Variants in PPP4R1 observed in about 807,000 individuals in gnomAD.
PPP4R1 encodes serine/threonine-protein phosphatase 4 regulatory subunit 1.
PPP4R1 carries 42 observed loss-of-function variants against 111.2 expected under a neutral mutation model. That is an observed-to-expected ratio of 0.38 (90% CI 0.29 to 0.49). PPP4R1 has a LOEUF of 0.49. Among genes scored for constraint, PPP4R1 ranks in the 20% least tolerant of loss-of-function variants. The pLI, the probability that PPP4R1 is intolerant of heterozygous loss-of-function variation, is 0.97. For synonymous variants in PPP4R1, 409 were observed against 405.5 expected (o/e 1.01, Z -0.10); for missense variants, 1,012 against 1,161.6 (o/e 0.87, Z 1.87).
chr18:9,548,510 G>A (rs1451924950), intron 19 of PPP4R1, among the ~76,000 whole-genome samples: 1 of 152,156 alleles, frequency 6.6e-6, no homozygotes, highest in East Asian at 1.9e-4. Flanking sequence ...GCCTAATGAA[G>A]AGAAAGCAGA....
chr18:9,561,575 G>A (rs964064509), intron 13 of PPP4R1, among the ~76,000 whole-genome samples: 9 of 152,034 alleles, frequency 5.9e-5, no homozygotes, highest in South Asian at 2.1e-4. Flanking sequence ...TAAAATTTTC[G>A]TATTTTTTCA....
chr18:9,616,593 A>C (rs943512564), upstream of PPP4R1, among the ~76,000 whole-genome samples: 5 of 152,170 alleles, frequency 3.3e-5, no homozygotes, highest in African/African-American at 1.2e-4. Flanking sequence ...TCTTTATTCT[A>C]ACTGGTGGTC....
At chr18:9,568,035 T>G (rs2066797861) in intron 11 of PPP4R1, among the ~76,000 whole-genome samples, 1 of 152,148 alleles carries the variant, frequency 6.6e-6, no homozygotes. Flanking sequence ...AACACAACTT[T>G]TATAAAATTC....
Position 9,614,130 on chromosome 18 carries a change from T to C in PPP4R1, c.52+96A>G. ...GGGGCCGCCCTCGCCCACCGTCCCC[T>C]CAGCCAGCCAGGGCCCGGCCCAGGC... On this transcript the variant is annotated intron_variant, in intron 2 of 19. Transcript: ENST00000400556. This position sits in a 1 kb window ranked among gnomAD's most constrained non-coding sequence, Gnocchi z 4.1. 9.3e-7 allele frequency: 1 copy of C among 1,080,492 alleles called. No homozygotes were observed. Among genetic ancestry groups the C allele is most frequent in the Non-Finnish European group, 1.2e-6 (1 of 857,372 alleles). The allele number at this position is 1,080,492 out of a possible 1,614,324, so 66.9% of individuals were successfully genotyped here.
intron 4 of PPP4R1, among the ~76,000 whole-genome samples, chr18:9,590,341 T>C (rs1464856875): frequency 3.9e-5 from 6 of 152,228 alleles, no homozygotes; most frequent in South Asian, 2.1e-4. Flanking sequence ...CCATGTGAAG[T>C]TGGCCAGATA....
chr18:9,583,067 AAAACGGACAC>A (rs762502663), intron 9 of PPP4R1, 40 bp downstream of exon 9: 1 of 1,462,994 alleles, frequency 6.8e-7, no homozygotes, highest in East Asian at 2.4e-5. Context: ...TGTTTGCTTT[AAAACGGACAC>A]AAATGTATTA....
rs958581998 is a variant in PPP4R1 at position 9,600,791 on chromosome 18, G to C, written c.53-5638C>G. On this transcript the variant is annotated intron_variant, in intron 2 of 19. Coordinates refer to ENST00000400556, the MANE Select transcript of PPP4R1 (RefSeq NM_001042388.3). ...TGCTACTTGGGAGCCTGAGGTGGGG[G>C]GATCACTTGAGTACGGGAGGCAGAC... 5.3e-5 allele frequency among the ~76,000 whole-genome samples: 8 copies of C among 152,180 alleles called. No individual in the cohort carries two copies. The East Asian group carries it at 1.5e-3, about 29-fold the overall frequency.
At chr18:9,564,697 GGTGTGTGTGTGTGT>G (rs1178823297) in intron 11 of PPP4R1, among the ~76,000 whole-genome samples, 2 of 93,492 alleles carry the variant, frequency 2.1e-5, no homozygotes, top group Admixed American at 1.1e-4. Context: ...TAAAGTGCAT[GGTGTGTGTGTGTGT>G]GTGTGTGTGT....
chr18:9,570,518 G>A lies in PPP4R1; in HGVS notation c.1212C>T (p.Ser404=), dbSNP rs777382879. 4.3e-6 allele frequency: 7 copies of A among 1,614,166 alleles called. No individual in the cohort carries two copies. The Admixed American group carries it at 5.0e-5, about 12-fold the overall frequency. ...CTGAGGACAAAGTACAAAGTAAAGA[G>A]CTGTCCAGTGGAACACTAATTTCAC... is the stretch of plus-strand genomic sequence containing the variant. The part of the protein sequence containing the change: ...PLGEISVPLD[S]SLLCTLSSES... The change falls in exon 11 of 20, where the codon AGC becomes AGT. Residue 404 remains serine, a synonymous_variant. Transcript: ENST00000400556.
intron 13 of PPP4R1, among the ~76,000 whole-genome samples, chr18:9,561,292 C>T (rs2066673097): frequency 6.6e-6 from 1 of 151,188 alleles, no homozygotes; most frequent in South Asian, 2.1e-4. Flanking sequence ...CACGTACAGA[C>T]AGTCATGGTG....
Position 9,547,902 on chromosome 18 carries a change from T to C in PPP4R1, c.2740A>G (p.Ile914Val). ...SCHQEAVEQT[I>V]MALQMDRDSD... ...TCACGGTCCATCTGAAGAGCCATGA[T>C]GGTCTGCTCCACAGCCTCCTGGTGG... Residue 914 changes from isoleucine to valine, a missense_variant, in exon 20 of 20, where the codon ATC (isoleucine) becomes GTC (valine). Coordinates refer to ENST00000400556, the MANE Select transcript of PPP4R1 (RefSeq NM_001042388.3). 1.2e-6 allele frequency: 2 copies of C among 1,614,012 alleles called. No homozygotes were observed. The highest frequency in any genetic ancestry group is 1.7e-6 in the Non-Finnish European group (2 of 1,180,034).
intron 15 of PPP4R1, 118 bp downstream of exon 15, chr18:9,557,103 T>C (rs537129111): frequency 2.7e-5 from 26 of 974,608 alleles, no homozygotes; most frequent in South Asian, 7.4e-5. Flanking sequence ...CATCAACTTA[T>C]GGCTGTGTTT....
intron 8 of PPP4R1, 29 bp from the exon 9 acceptor site, chr18:9,583,304 T>A (rs200254557): frequency 6.7e-7 from 1 of 1,498,556 alleles, no homozygotes; most frequent in East Asian, 2.4e-5. Context: ...GTCTTGTTAG[T>A]TGGATAAAGA....
intron 4 of PPP4R1, chr18:9,589,854 C>G: frequency 6.6e-6 from 1 of 152,408 alleles, no homozygotes; most frequent in Non-Finnish European, 1.5e-5. Context: ...GCCAAGATCG[C>G]GCCACTGCAC....
At chr18:9,580,809 G>C (rs989594811) in intron 9 of PPP4R1, among the ~76,000 whole-genome samples, 1 of 152,176 alleles carries the variant, frequency 6.6e-6, no homozygotes, top group Admixed American at 6.5e-5. Context: ...GAGCAGCTGA[G>C]GGGTGAGGCT....
At chr18:9,615,936 TAGAC>T (rs1016216612), upstream of PPP4R1, among the ~76,000 whole-genome samples, 13 of 152,304 alleles carry the variant, frequency 8.5e-5, no homozygotes, top group South Asian at 6.2e-4. Context: ...ACTAACAAGA[TAGAC>T]AGATTATAAT....
At chr18:9,613,945 T>C in intron 2 of PPP4R1, 1 of 242,588 alleles carries the variant, frequency 4.1e-6, no homozygotes, top group Non-Finnish European at 8.0e-6. Context: ...GCGCCACTGC[T>C]GAGCCCGCAG....
At chr18:9,604,521 T>C (rs1393643661) in intron 2 of PPP4R1, among the ~76,000 whole-genome samples, 1 of 152,182 alleles carries the variant, frequency 6.6e-6, no homozygotes, top group East Asian at 1.9e-4. Context: ...TGCTGCAACA[T>C]GCCCCACTAC....
At chr18:9,614,834 A>ACGGGGGCGCGCAACCTGCCGCCGGC (rs2067665708), upstream of PPP4R1, 1 of 149,050 alleles carries the variant, frequency 6.7e-6, no homozygotes, top group Non-Finnish European at 1.5e-5. The surrounding 1 kb of genome is among the most constrained non-coding windows in gnomAD (Gnocchi z 4.1). Flanking sequence ...AGCGCTGCGG[A>ACGGGGGCGCGCAACCTGCCGCCGGC]CGGGGGCGCG....
Sources: gnomAD v4.1 joint callset for allele counts (sites outside exome capture counted in the v4.1 genomes callset) on GRCh38, gnomAD v4.1.1 for gene constraint, Gnocchi (gnomAD v3.1) non-coding constraint, MANE v1.5 for transcripts, NCBI Gene and HGNC (gene_info 2026-07-23, HGNC 2026-07-21) for gene names.